The following ACAP1 variants were observed in gnomAD, a reference collection of about 807,000 sequenced individuals.
The protein encoded by ACAP1 is ArfGAP with coiled-coil, ankyrin repeat and PH domains 1.
A neutral mutation model predicts 98.8 loss-of-function variants in ACAP1; 45 were observed. The observed-to-expected ratio is 0.46, with a 90% confidence interval of 0.36 to 0.58. ACAP1 has a LOEUF of 0.58. Among genes scored for constraint, ACAP1 ranks in the 20% least tolerant of loss-of-function variants. The pLI is 0.00. For missense variants in ACAP1, 735 were observed against 971.4 expected (o/e 0.76, Z 3.24); for synonymous variants, 362 against 375.3 (o/e 0.96, Z 0.41).
Position 7,342,488 on chromosome 17 carries a change from G to C in ACAP1, c.344+14G>C. On this transcript the variant is annotated intron_variant, in intron 5 of 21. Coordinates refer to ENST00000158762, the MANE Select transcript of ACAP1 (RefSeq NM_014716.4). ...CCTGGTCAAGGAGTGAGATGGGGCC[G>C]GGCGCAGTGGCTCATGCCTGTAATC... is the stretch of plus-strand genomic sequence containing the variant. 1 of 1,613,790 alleles carries C rather than the reference G, an allele frequency of 6.2e-7. No homozygotes were observed. The highest frequency in any genetic ancestry group is 1.7e-5 in the Admixed American group (1 of 60,022).
intron 18 of ACAP1, chr17:7,349,691 C>G: frequency 2.2e-6 from 1 of 444,640 alleles, no homozygotes; most frequent in South Asian, 5.1e-5. Flanking sequence ...AGACTTTTAA[C>G]AAGTTATTAA....
In ACAP1 at chr17:7,344,169, TGGGAG is replaced by T. The variant is rs1295927067; in HGVS notation, c.744+48_744+52del. 3.2e-6 allele frequency: 5 copies of T among 1,543,268 alleles called. No homozygotes were observed. Among genetic ancestry groups the T allele is most frequent in the Non-Finnish European group, 4.4e-6 (5 of 1,139,828 alleles). Reference sequence around the variant, plus strand: ...GCCCACGACCGTCATCCCAACATGTTGGGAGGCTGAGGTGGGAAGATTGCTTGAGG... The same window carrying T: ...GCCCACGACCGTCATCCCAACATGTTGCTGAGGTGGGAAGATTGCTTGAGG... On this transcript the variant is annotated intron_variant, in intron 9 of 21. Transcript: ENST00000158762. The surrounding 1 kb of genome is among the most constrained non-coding windows in gnomAD (Gnocchi z 4.9).
intron 12 of ACAP1, 27 bp downstream of exon 12, chr17:7,346,518 T>C: frequency 6.5e-7 from 1 of 1,536,086 alleles, no homozygotes; most frequent in East Asian, 2.3e-5. Flanking sequence ...GGGGTGATAC[T>C]CTAATATATC....
intron 17 of ACAP1, 166 bp from the exon 18 acceptor site, chr17:7,348,829 G>T (rs2292067): frequency 0.34 from 218,502 of 648,870 alleles, 38,491 homozygotes; most frequent in African/African-American, 0.41. Flanking sequence ...ACATGCATAC[G>T]CATACTTACA....
intron 3 of ACAP1, 38 bp from the exon 4 acceptor site, chr17:7,342,237 C>A: frequency 1.2e-6 from 2 of 1,612,464 alleles, no homozygotes; most frequent in South Asian, 1.1e-5. Context: ...TGCTGCCACC[C>A]CATGCCTGGT....
In ACAP1 at chr17:7,346,416, A is replaced by G; in HGVS notation, c.932A>G (p.Asp311Gly). 6.2e-7 allele frequency: 1 copy of G among 1,613,920 alleles called. No homozygotes were observed. Among genetic ancestry groups the G allele is most frequent in the South Asian group, 1.1e-5 (1 of 91,058 alleles). Residue 311 changes from aspartate (D) to glycine (G), a missense_variant, in exon 12 of 22, where the codon GAC (aspartate) becomes GGC (glycine). Transcript: ENST00000158762. ...YKDPVTVVVD[D>G]LRLCTVKLCP... ...GACCCTGTGACTGTGGTGGTGGATG[A>G]CCTTCGTCTCTGCACAGTGAAACTC... is the stretch of plus-strand genomic sequence containing the variant.
intron 21 of ACAP1, 22 bp from the exon 22 acceptor site, chr17:7,351,273 C>A: frequency 1.3e-6 from 2 of 1,597,594 alleles, no homozygotes; most frequent in Non-Finnish European, 8.6e-7. Flanking sequence ...AGCCGCCTCC[C>A]GGCCTTTCCT....
At chr17:7,349,200 T>TA (rs778662687) in intron 18 of ACAP1, 33 bp downstream of exon 18, 4 of 1,610,154 alleles carry the variant, frequency 2.5e-6, no homozygotes, top group Non-Finnish European at 3.4e-6. Flanking sequence ...CACCCCACCC[T>TA]AGGGCTCTGA....
Position 7,343,277 on chromosome 17 carries a change from T to C in ACAP1, c.345-102T>C, listed in dbSNP as rs1479387098. On this transcript the variant is annotated intron_variant, in intron 5 of 21. Coordinates refer to ENST00000158762, the MANE Select transcript of ACAP1 (RefSeq NM_014716.4). This position sits in a 1 kb window ranked among gnomAD's most constrained non-coding sequence, Gnocchi z 4.9. Reference sequence around the variant, plus strand: ...CAGGGATCACCTTGGGTTTCCCACGTTGCAGAGACTAACTGAAAGGACATG... The same window carrying C: ...CAGGGATCACCTTGGGTTTCCCACGCTGCAGAGACTAACTGAAAGGACATG... The C allele has an allele frequency of 1.6e-6, 2 of 1,280,480 alleles. No homozygotes were observed. The highest frequency in any genetic ancestry group is 1.5e-5 in the African/African-American group (1 of 67,092). 79.3% of individuals were successfully genotyped at this position (1,280,480 alleles called of 1,614,324 possible). A position where few individuals can be genotyped will look rare whatever the true frequency, so the allele number is the denominator to read the frequency against.
At chr17:7,346,013 C>G (rs1490480619) in intron 10 of ACAP1, 1 of 520,322 alleles carries the variant, frequency 1.9e-6, no homozygotes, top group African/African-American at 1.9e-5. Flanking sequence ...CTGCCATCTG[C>G]TGGAAAGTTG....
In ACAP1 at chr17:7,343,668, T is replaced by C. The variant is rs373801841; in HGVS notation, c.529-38T>C. The C allele has an allele frequency of 6.4e-5, 103 of 1,607,720 alleles. 1 individual carries two copies. In the African/African-American group the frequency reaches 1.1e-3, roughly 17 times the overall value. ...GGAAGGGGTGCTGTGTCTTCAAGAC[T>C]GATCTGGGGTTTTTTACGTCCTCTT... is the stretch of plus-strand genomic sequence containing the variant. On this transcript the variant is annotated intron_variant, in intron 6 of 21. Coordinates refer to ENST00000158762, the MANE Select transcript of ACAP1 (RefSeq NM_014716.4). This position sits in a 1 kb window ranked among gnomAD's most constrained non-coding sequence, Gnocchi z 4.9.
At chr17:7,341,111 A>G (rs2073272352) in intron 2 of ACAP1, among the ~76,000 whole-genome samples, 1 of 152,246 alleles carries the variant, frequency 6.6e-6, no homozygotes, top group Non-Finnish European at 1.5e-5. Context: ...CAGTGAGCAC[A>G]GAATGGGACA....
chr17:7,351,309 C>G lies in ACAP1; in HGVS notation c.2137C>G (p.Leu713Val). The change falls in exon 22 of 22, where the codon CTT (leucine) becomes GTT (valine). Residue 713 changes from leucine to valine, a missense_variant. By Grantham distance (32) the Leu-to-Val change is conservative. This residue lies in a region of ACAP1 where 142 missense variants were observed against 224.1 expected (regional missense o/e 0.63). Transcript: ENST00000158762. ...AQGQAGDETY[L>V]DIFRDFSLMA... The stretch of plus-strand genomic sequence containing the variant: ...CCCTCCCCCAGGAGATGAGACGTAT[C>G]TTGACATCTTCCGCGACTTCTCCCT... 1.9e-6 allele frequency: 3 copies of G among 1,613,552 alleles called. No homozygotes were observed. Among genetic ancestry groups the G allele is most frequent in the Non-Finnish European group, 2.5e-6 (3 of 1,179,658 alleles).
chr17:7,348,799 C>G (rs917042657), intron 17 of ACAP1, 196 bp from the exon 18 acceptor site: 5 of 600,918 alleles, frequency 8.3e-6, no homozygotes, highest in South Asian at 6.8e-5. Flanking sequence ...GTCTCTCCCC[C>G]ACACCCTAGG....
In ACAP1 at chr17:7,350,420, T is replaced by C; in HGVS notation, c.2072+183T>C. 3 of 553,622 alleles carry C rather than the reference T, an allele frequency of 5.4e-6. No homozygotes were observed. Among genetic ancestry groups the C allele is most frequent in the Non-Finnish European group, 9.6e-6 (3 of 311,706 alleles). 34.3% of individuals were successfully genotyped at this position (553,622 alleles called of 1,614,324 possible). A position where few individuals can be genotyped will look rare whatever the true frequency, so the allele number is the denominator to read the frequency against. On this transcript the variant is annotated intron_variant, in intron 20 of 21. Transcript: ENST00000158762. This position sits in a 1 kb window ranked among gnomAD's most constrained non-coding sequence, Gnocchi z 4.6. ...GCTGCGCGAAGTGTGCACTGGGACG[T>C]GGAGTAGAAGGCAGGCGGGAGGGCG...
intron 14 of ACAP1, chr17:7,347,631 T>G: frequency 3.6e-6 from 2 of 548,318 alleles, no homozygotes; most frequent in Non-Finnish European, 6.5e-6. Context: ...ATGGGAGAGG[T>G]TGTCCAGGCC....
chr17:7,349,609 T>C, intron 18 of ACAP1: 1 of 289,520 alleles, frequency 3.5e-6, no homozygotes, highest in Non-Finnish European at 6.5e-6. Context: ...TCTCCTGACC[T>C]TGTGATCCAC....
chr17:7,343,379 A>G lies in ACAP1; in HGVS notation c.345A>G (p.Glu115=), dbSNP rs2073311723. The part of the protein sequence containing the change: ...LQQQIQTLVK[E]GLRGFREARR... The stretch of plus-strand genomic sequence containing the variant: ...TTCTGTGTTATTTTCCCATCCTCAG[A>G]GGTCTGCGGGGTTTCCGAGAGGCTC... The change falls in exon 6 of 22, where the codon GAA becomes GAG. Residue 115 remains glutamate (E), a splice_region_variant and synonymous_variant. Transcript: ENST00000158762. The surrounding 1 kb of genome is among the most constrained non-coding windows in gnomAD (Gnocchi z 4.9). The G allele has an allele frequency of 6.2e-7, 1 of 1,610,550 alleles. No homozygotes were observed. The highest frequency in any genetic ancestry group is 8.5e-7 in the Non-Finnish European group (1 of 1,178,528).
At position 7,346,269 on chromosome 17, in the gene ACAP1, C is replaced by A; in HGVS notation, c.880C>A (p.Gln294Lys). Residue 294 changes from glutamine (Q) to lysine (K), a missense_variant, in exon 11 of 22, where the codon CAA becomes AAA. Around this residue, in one of 5 missense-constraint regions of ACAP1, gnomAD observed 430 missense variants for 531.8 expected, o/e 0.81. Coordinates refer to ENST00000158762, the MANE Select transcript of ACAP1 (RefSeq NM_014716.4). ...SRRWFTIQSN[Q>K]LVYQKKYKDP... ...ACGCTGGTTCACCATTCAGAGCAAC[C>A]AACTGGTTTACCAGAAGAAGTACAA... The A allele has an allele frequency of 1.2e-6, 2 of 1,614,210 alleles. No homozygotes were observed. The highest frequency in any genetic ancestry group is 1.7e-6 in the Non-Finnish European group (2 of 1,180,042).
Sources: allele counts gnomAD v4.1 joint callset (sites outside exome capture counted in the v4.1 genomes callset), GRCh38; gene constraint gnomAD v4.1.1; regional missense constraint gnomAD v4.1.1; non-coding constraint Gnocchi (gnomAD v3.1); transcripts MANE v1.5; gene names NCBI Gene and HGNC (gene_info 2026-07-23, HGNC 2026-07-21).